Variants in CDKN2B-AS1 observed in about 807,000 individuals in gnomAD.
The protein encoded by CDKN2B-AS1 is CDKN2B antisense RNA 1 (non-protein coding).
intron 1 of CDKN2B-AS1, among the ~76,000 whole-genome samples, chr9:22,027,899 T>C (rs1342668837): frequency 6.6e-6 from 1 of 152,198 alleles, no homozygotes; most frequent in African/African-American, 2.4e-5. Flanking sequence ...CTATATTTTA[T>C]TGAATAAAAA....
intron 4 of CDKN2B-AS1, among the ~76,000 whole-genome samples, chr9:22,110,644 A>G (rs748705455): frequency 1.9e-4 from 29 of 152,110 alleles, no homozygotes; most frequent in Non-Finnish European, 3.4e-4. Context: ...TCTTGCAATC[A>G]TTGTGTATAA....
rs192410565 is a variant in CDKN2B-AS1 at position 22,086,011 on chromosome 9, T to A, written n.438+29624T>A. 3.3e-5 allele frequency among the ~76,000 whole-genome samples: 5 copies of A among 152,130 alleles called. No individual in the cohort carries two copies. In the East Asian group the frequency reaches 9.6e-4, roughly 29 times the overall value. ...AGTTCAACAGAAAGAAGATGAACCT[T>A]GGGGGTCAGAAGATTCAAACTTCCA... On this transcript the variant is annotated intron_variant and non_coding_transcript_variant, in intron 4 of 4. Transcript: ENST00000650946.
intron 1 of CDKN2B-AS1, among the ~76,000 whole-genome samples, chr9:22,033,237 G>A (rs1047746511): frequency 1.4e-4 from 21 of 150,986 alleles, no homozygotes; most frequent in African/African-American, 4.9e-4. Flanking sequence ...GGGGACCACC[G>A]CTGCACTACA....
chr9:22,103,503 A>G (rs1489421791), intron 4 of CDKN2B-AS1, among the ~76,000 whole-genome samples: 3 of 152,168 alleles, frequency 2.0e-5, no homozygotes. Flanking sequence ...GTCAGCAGCA[A>G]AGGCCCACAT....
At chr9:22,099,019 A>G (rs1021528856) in intron 4 of CDKN2B-AS1, among the ~76,000 whole-genome samples, 5 of 152,244 alleles carry the variant, frequency 3.3e-5, no homozygotes, top group African/African-American at 1.2e-4. Context: ...TTTTGATGGA[A>G]TTAAGCACAA....
intron 4 of CDKN2B-AS1, among the ~76,000 whole-genome samples, chr9:22,084,058 A>T (rs1458405039): frequency 6.6e-6 from 1 of 152,218 alleles, no homozygotes; most frequent in Non-Finnish European, 1.5e-5. Flanking sequence ...CTTAAGATTC[A>T]TGCATTGTTG....
intron 4 of CDKN2B-AS1, among the ~76,000 whole-genome samples, chr9:22,115,716 C>G (rs145622471): frequency 1.1e-4 from 16 of 152,234 alleles, no homozygotes; most frequent in African/African-American, 2.2e-4. Flanking sequence ...ATGTGATTAT[C>G]AGCTTGGATC....
At chr9:22,044,569 A>G (rs1823029796) in intron 1 of CDKN2B-AS1, among the ~76,000 whole-genome samples, 1 of 152,026 alleles carries the variant, frequency 6.6e-6, no homozygotes, top group South Asian at 2.1e-4. Flanking sequence ...TTTGGTGTGA[A>G]GTTCACATTA....
At chr9:22,093,884 C>T (rs1228179169) in intron 4 of CDKN2B-AS1, among the ~76,000 whole-genome samples, 1 of 144,338 alleles carries the variant, frequency 6.9e-6, no homozygotes, top group Non-Finnish European at 1.5e-5. Context: ...TTATTTTGCT[C>T]ATTAGTTGAT....
At chr9:22,117,230 A>T (rs1257325321) in intron 4 of CDKN2B-AS1, among the ~76,000 whole-genome samples, 1 of 152,244 alleles carries the variant, frequency 6.6e-6, no homozygotes, top group East Asian at 1.9e-4. Flanking sequence ...ATTATATGCT[A>T]TGAAATTTTG....
At chr9:22,095,837 T>C (rs902968700) in intron 4 of CDKN2B-AS1, among the ~76,000 whole-genome samples, 1 of 150,610 alleles carries the variant, frequency 6.6e-6, no homozygotes, top group Admixed American at 6.6e-5. Context: ...CTTACCATTA[T>C]GTAATGGCCT....
chr9:22,066,528 A>C (rs1824048699), intron 4 of CDKN2B-AS1, among the ~76,000 whole-genome samples: 1 of 152,014 alleles, frequency 6.6e-6, no homozygotes, highest in Non-Finnish European at 1.5e-5. Context: ...TTTCTGCCTT[A>C]GTAATGCTGC....
chr9:22,068,218 A>G (rs1401266829), intron 4 of CDKN2B-AS1, among the ~76,000 whole-genome samples: 1 of 152,194 alleles, frequency 6.6e-6, no homozygotes, highest in Non-Finnish European at 1.5e-5. Flanking sequence ...CCACATACAT[A>G]CATCTTTGTT....
intron 1 of CDKN2B-AS1, among the ~76,000 whole-genome samples, chr9:22,045,030 TTA>T (rs1554669327): frequency 3.2e-4 from 41 of 127,676 alleles, no homozygotes; most frequent in African/African-American, 1.2e-3. Flanking sequence ...TGGAAAAATA[TTA>T]TTTATTTGTG....
At chr9:22,042,618 C>A (rs1054537551) in intron 1 of CDKN2B-AS1, among the ~76,000 whole-genome samples, 1 of 152,094 alleles carries the variant, frequency 6.6e-6, no homozygotes, top group Non-Finnish European at 1.5e-5. Context: ...AATGGAAGCA[C>A]CAGTCCAGGG....
chr9:22,084,560 G>C (rs1048853345), intron 4 of CDKN2B-AS1, among the ~76,000 whole-genome samples: 3 of 152,022 alleles, frequency 2.0e-5, no homozygotes, highest in African/African-American at 7.3e-5. Flanking sequence ...TCAGAGAAAG[G>C]GGGTGGGCAG....
chr9:22,097,078 G>C (rs1218092341), intron 4 of CDKN2B-AS1, among the ~76,000 whole-genome samples: 1 of 152,170 alleles, frequency 6.6e-6, no homozygotes, highest in African/African-American at 2.4e-5. Flanking sequence ...AAGGCCATCA[G>C]GGAGTTTCTT....
At chr9:22,029,028 A>ATGATG (rs965927242) in intron 1 of CDKN2B-AS1, among the ~76,000 whole-genome samples, 16 of 150,174 alleles carry the variant, frequency 1.1e-4, no homozygotes, top group African/African-American at 3.7e-4. Flanking sequence ...ATCAAAAAGA[A>ATGATG]TGATGATGCA....
chr9:22,074,706 T>C (rs1189684462), intron 4 of CDKN2B-AS1, among the ~76,000 whole-genome samples: 1 of 152,200 alleles, frequency 6.6e-6, no homozygotes, highest in Non-Finnish European at 1.5e-5. Context: ...TAGGTTCCTG[T>C]TCTTCCCCAC....
Sources: allele counts gnomAD v4.1 joint callset (sites outside exome capture counted in the v4.1 genomes callset), GRCh38; gene constraint gnomAD v4.1.1; transcripts MANE v1.5; gene names NCBI Gene and HGNC (gene_info 2026-07-23, HGNC 2026-07-21).